The following HERC3 variants were observed in gnomAD, a reference collection of about 807,000 sequenced individuals.
HERC3 encodes HECT and RLD domain containing E3 ubiquitin protein ligase 3.
In HERC3, 58 loss-of-function variants were observed where a neutral mutation model predicts 129.9. The ratio of observed to expected loss-of-function variants is 0.45; its 90% CI spans 0.36 to 0.56. The LOEUF (loss-of-function observed/expected upper bound fraction) is 0.56, where lower values mean the gene tolerates loss of function less well. HERC3 is among the 20% of genes least tolerant of loss of function. HERC3 has a pLI of 0.00. For missense variants in HERC3, 835 were observed against 1,244.2 expected, an observed-to-expected ratio of 0.67 and a Z score of 4.95; for synonymous variants, 430 against 451.0, an observed-to-expected ratio of 0.95 and a Z score of 0.59.
At chr4:88,670,569 G>C (rs1227276267) in intron 16 of HERC3, among the ~76,000 whole-genome samples, 2 of 152,146 alleles carry the variant, frequency 1.3e-5, no homozygotes, top group Non-Finnish European at 2.9e-5. Context: ...GGGGAAAATG[G>C]AGAGTTGCTA....
intron 3 of HERC3, 91 bp from the exon 4 acceptor site, chr4:88,649,749 T>A (rs554814542): frequency 9.3e-5 from 102 of 1,097,330 alleles, no homozygotes; most frequent in Middle Eastern, 2.9e-4. Context: ...TGTTAAAAAA[T>A]AAAACTGCCC....
intron 22 of HERC3, among the ~76,000 whole-genome samples, 172 bp from the exon 23 acceptor site, chr4:88,687,045 G>A (rs1733553863): frequency 6.6e-6 from 1 of 152,114 alleles, no homozygotes; most frequent in African/African-American, 2.4e-5. Context: ...AACAAAAGAT[G>A]TTTTTTAACC....
the HERC3 span, among the ~76,000 whole-genome samples, chr4:88,576,288 T>A: frequency 6.6e-6 from 1 of 152,224 alleles, no homozygotes; most frequent in Non-Finnish European, 1.5e-5. Context: ...TCTTTCCAGG[T>A]GCCAGTGATC....
chr4:88,680,916 C>A, intron 20 of HERC3: 1 of 560,778 alleles, frequency 1.8e-6, no homozygotes, highest in Non-Finnish European at 2.3e-6. Flanking sequence ...TGTTGGATGG[C>A]CCTGCTCTAG....
chr4:88,527,994 C>T, the HERC3 span: 2 of 276,490 alleles, frequency 7.2e-6, no homozygotes, highest in Non-Finnish European at 1.5e-5. Flanking sequence ...CATCTTGCCC[C>T]TCAGATCCAA....
intron 21 of HERC3, among the ~76,000 whole-genome samples, chr4:88,681,637 C>T (rs1732794134): frequency 6.6e-6 from 1 of 152,180 alleles, no homozygotes; most frequent in African/African-American, 2.4e-5. Context: ...CCTTCCATAT[C>T]CTTGGGTTTT....
chr4:88,684,970 T>C (rs1733249251), intron 21 of HERC3: 1 of 152,336 alleles, frequency 6.6e-6, no homozygotes, highest in Admixed American at 6.5e-5. Context: ...AAGACATTTA[T>C]GTGGCCAACA....
At chr4:88,591,918 C>G (rs1320090670), upstream of HERC3, among the ~76,000 whole-genome samples, 1 of 152,064 alleles carries the variant, frequency 6.6e-6, no homozygotes, top group East Asian at 1.9e-4. Flanking sequence ...TCGATCCCCA[C>G]CTCTCCAGAA....
At chr4:88,544,051 G>A in the HERC3 span, among the ~76,000 whole-genome samples, 2 of 152,112 alleles carry the variant, frequency 1.3e-5, no homozygotes, top group Admixed American at 1.3e-4. Context: ...AATGGCAACA[G>A]AAGCCAAAAT....
the HERC3 span, among the ~76,000 whole-genome samples, chr4:88,549,611 A>G: frequency 1.3e-5 from 2 of 152,084 alleles, no homozygotes; most frequent in African/African-American, 2.4e-5. Context: ...AATGGCCTCC[A>G]GTTGCATCCA....
At chr4:88,648,020 A>G (rs542770855) in intron 3 of HERC3, among the ~76,000 whole-genome samples, 2 of 152,138 alleles carry the variant, frequency 1.3e-5, no homozygotes, top group South Asian at 2.1e-4. Context: ...AAATTTGACA[A>G]TTATTAACTA....
intron 4 of HERC3, among the ~76,000 whole-genome samples, chr4:88,650,461 G>A (rs1729153673): frequency 1.3e-5 from 2 of 152,182 alleles, no homozygotes; most frequent in African/African-American, 4.8e-5. Flanking sequence ...ATGCAAAAAT[G>A]TTAATACAGT....
At chr4:88,599,371 A>T (rs1462514397) in intron 2 of HERC3, among the ~76,000 whole-genome samples, 1 of 151,936 alleles carries the variant, frequency 6.6e-6, no homozygotes, top group African/African-American at 2.4e-5. Flanking sequence ...GTTGCTATTT[A>T]ATTCTCTTGG....
chr4:88,664,213 G>A lies in HERC3; in HGVS notation c.1331+1G>A. The A allele has an allele frequency of 6.2e-7, 1 of 1,611,916 alleles. No individual in the cohort carries two copies. The highest frequency in any genetic ancestry group is 8.5e-7 in the Non-Finnish European group (1 of 1,178,348). On this transcript the variant is annotated splice_donor_variant, in intron 12 of 25. Coordinates refer to ENST00000402738, the MANE Select transcript of HERC3 (RefSeq NM_014606.3). LOFTEE classifies it high-confidence loss of function. ...GGAATGGAAGTTTTCTTGAAAAAAA[G>A]TAAGTGACTTAGAGCCTTAAAAAAC...
At chr4:88,563,850 G>GT in the HERC3 span, among the ~76,000 whole-genome samples, 1 of 151,928 alleles carries the variant, frequency 6.6e-6, no homozygotes, top group African/African-American at 2.4e-5. Flanking sequence ...TAGAGACAGG[G>GT]TTTCACCATG....
chr4:88,661,290 T>C (rs1730466912), intron 10 of HERC3, among the ~76,000 whole-genome samples: 1 of 152,224 alleles, frequency 6.6e-6, no homozygotes, highest in Non-Finnish European at 1.5e-5. Context: ...GTTCTCTCAA[T>C]AGATATCTGT....
chr4:88,549,334 G>T, the HERC3 span, among the ~76,000 whole-genome samples: 2 of 149,864 alleles, frequency 1.3e-5, no homozygotes, highest in African/African-American at 2.5e-5. Context: ...AAAAAAAACA[G>T]CATTTTAGAT....
intron 3 of HERC3, among the ~76,000 whole-genome samples, chr4:88,606,534 C>A (rs1723656606): frequency 6.6e-6 from 1 of 152,142 alleles, no homozygotes; most frequent in Non-Finnish European, 1.5e-5. Flanking sequence ...TCGGTTTTCA[C>A]ACTGCTGATA....
intron 1 of HERC3, among the ~76,000 whole-genome samples, chr4:88,592,788 C>T (rs1159961860): frequency 6.6e-6 from 1 of 151,806 alleles, no homozygotes; most frequent in Non-Finnish European, 1.5e-5. Context: ...CCCTTAGTAC[C>T]CTGCGTACGC....
Sources: gnomAD v4.1 joint callset for allele counts (sites outside exome capture counted in the v4.1 genomes callset) on GRCh38, gnomAD v4.1.1 for gene constraint, MANE v1.5 for transcripts, NCBI Gene and HGNC (gene_info 2026-07-23, HGNC 2026-07-21) for gene names.